UNC13B: variants seen among roughly 807,000 people sequenced by gnomAD.
UNC13B encodes the protein unc-13 homolog B.
In UNC13B, 144 loss-of-function variants were observed where a neutral mutation model predicts 211.0. The observed-to-expected ratio is 0.68, with a 90% CI of 0.60 to 0.78. The LOEUF (loss-of-function observed/expected upper bound fraction) is 0.78. UNC13B is among the 30% of genes least tolerant of loss of function. UNC13B has a pLI of 0.00. For synonymous variants in UNC13B, 709 were observed against 725.8 expected (o/e 0.98, Z 0.37); for missense variants, 1,777 against 2,002.0 (o/e 0.89, Z 2.14).
At chr9:35,397,759 T>G (rs1349401379) in intron 30 of UNC13B, 47 bp downstream of exon 30, 4 of 1,597,098 alleles carry the variant, frequency 2.5e-6, no homozygotes, top group Non-Finnish European at 3.4e-6. Context: ...TGGAAGACAT[T>G]TGAATCCTTG....
rs750512073 is a variant in UNC13B at position 35,225,886 on chromosome 9, C to T, written c.23-2129C>T. 7.2e-5 allele frequency among the ~76,000 whole-genome samples: 11 copies of T among 152,092 alleles called. No individual in the cohort carries two copies. The South Asian group carries it at 8.3e-4, about 12-fold the overall frequency. Reference sequence around the variant, plus strand: ...GTGGGTCCTTGGATCCCCGCGGTGACGTGTGAGGAGTTGACAGTGGTGGCA... The same window carrying T: ...GTGGGTCCTTGGATCCCCGCGGTGATGTGTGAGGAGTTGACAGTGGTGGCA... On this transcript the variant is annotated intron_variant, in intron 1 of 39. Transcript: ENST00000635942.
intron 7 of UNC13B, among the ~76,000 whole-genome samples, chr9:35,264,608 A>C (rs1248329370): frequency 1.3e-5 from 2 of 152,140 alleles, no homozygotes. Context: ...AATCTGTGCT[A>C]TTTTCCAGGG....
At chr9:35,288,115 A>T (rs1373972850) in intron 7 of UNC13B, among the ~76,000 whole-genome samples, 2 of 151,900 alleles carry the variant, frequency 1.3e-5, no homozygotes, top group African/African-American at 2.4e-5. Context: ...CCACTCTGCC[A>T]CTTCCCTAGT....
chr9:35,167,581 T>C (rs1317565684), intron 1 of UNC13B, among the ~76,000 whole-genome samples: 1 of 147,594 alleles, frequency 6.8e-6, no homozygotes, highest in African/African-American at 2.5e-5. Context: ...TGAACATCTT[T>C]GTAGGTTTTT....
intron 1 of UNC13B, among the ~76,000 whole-genome samples, chr9:35,173,721 G>T (rs1821457760): frequency 1.3e-5 from 2 of 152,132 alleles, no homozygotes; most frequent in African/African-American, 2.4e-5. Flanking sequence ...ACTGTGCCTG[G>T]CCAGAATCTA....
At position 35,404,069 on chromosome 9, in the gene UNC13B, AT is replaced by A; in HGVS notation, c.*39del. On this transcript the variant is annotated 3_prime_UTR_variant, in exon 40 of 40. Transcript: ENST00000635942. ...CTCCTGTGCCAATCAGGCAGCAGCA[AT>A]TTCACAAATCAGGGCCAGTGGGAGT... 5 of 1,594,040 alleles carry A rather than the reference AT, an allele frequency of 3.1e-6. No homozygotes were observed. Among genetic ancestry groups the A allele is most frequent in the Non-Finnish European group, 4.3e-6 (5 of 1,170,140 alleles).
Position 35,310,663 on chromosome 9 carries a change from A to G in UNC13B, c.9205A>G (p.Thr3069Ala). The G allele has an allele frequency of 6.2e-7, 1 of 1,613,982 alleles. No homozygotes were observed. Among genetic ancestry groups the G allele is most frequent in the Non-Finnish European group, 8.5e-7 (1 of 1,179,986 alleles). The change falls in exon 10 of 40, where the codon ACA becomes GCA. Residue 3069 changes from threonine (T) to alanine (A), a missense_variant. Thr to Ala is a moderately conservative substitution (Grantham distance 58). Coordinates refer to ENST00000635942, the MANE Select transcript of UNC13B (RefSeq NM_001371189.2). ...FGEQEKPLEV[T>A]GQAEKEAACE... is the part of the protein sequence containing the mutation. ...AGAACAAGAGAAACCCTTGGAGGTG[A>G]CAGGTCAAGCAGAGAAGGAGGCAGC...
intron 7 of UNC13B, among the ~76,000 whole-genome samples, chr9:35,283,911 G>C (rs1326263005): frequency 6.6e-6 from 1 of 152,104 alleles, no homozygotes; most frequent in Non-Finnish European, 1.5e-5. Flanking sequence ...CTGGGTCCTG[G>C]GAATGCTGTT....
chr9:35,385,925 A>C, intron 23 of UNC13B, 112 bp downstream of exon 23: 1 of 1,449,500 alleles, frequency 6.9e-7, no homozygotes, highest in Non-Finnish European at 9.3e-7. Context: ...ATCACCTCTA[A>C]GCTTACATTT....
At chr9:35,228,660 A>T (rs892721435) in intron 2 of UNC13B, among the ~76,000 whole-genome samples, 3 of 151,820 alleles carry the variant, frequency 2.0e-5, no homozygotes, top group Non-Finnish European at 4.4e-5. Context: ...CATGTGAAAC[A>T]TATCTTATGC....
chr9:35,319,174 T>G (rs1256745298), intron 11 of UNC13B, among the ~76,000 whole-genome samples: 2 of 152,004 alleles, frequency 1.3e-5, no homozygotes, highest in Non-Finnish European at 2.9e-5. Flanking sequence ...TGCAGTGGCT[T>G]ATGCCTGTAA....
At position 35,169,505 on chromosome 9, in the gene UNC13B, T is replaced by C. The variant is rs370943217; in HGVS notation, c.22+7200T>C. Among the ~76,000 whole-genome samples the C allele has an allele frequency of 2.6e-5, 4 of 152,162 alleles. No individual in the cohort carries two copies. In the East Asian group the frequency reaches 7.7e-4, roughly 29 times the overall value. ...TAGAGTTTTCAGACATAGGTATAGG[T>C]TGGTCAGATACTTCTCATCTCCTTC... On this transcript the variant is annotated intron_variant, in intron 1 of 39. Coordinates refer to ENST00000635942, the MANE Select transcript of UNC13B (RefSeq NM_001371189.2).
In UNC13B at chr9:35,377,648, G is replaced by C. The variant is rs751057461; in HGVS notation, c.10016G>C (p.Ser3339Thr). 6.2e-7 allele frequency: 1 copy of C among 1,614,198 alleles called. No individual in the cohort carries two copies. Among genetic ancestry groups the C allele is most frequent in the Non-Finnish European group, 8.5e-7 (1 of 1,180,054 alleles). The change falls in exon 16 of 40, where the codon AGT becomes ACT. Residue 3339 changes from serine (S) to threonine (T), a missense_variant. Physicochemically the swap from Ser to Thr is moderately conservative, Grantham distance 58 (BLOSUM62 1). Coordinates refer to ENST00000635942, the MANE Select transcript of UNC13B (RefSeq NM_001371189.2). ...HVQQMKTVKQ[S>T]VLDGTSKWSA... ...CAGCAGATGAAAACAGTGAAGCAGA[G>C]TGTACTGGATGGCACCTCCAAATGG...
chr9:35,246,524 T>G (rs575669254), intron 6 of UNC13B, among the ~76,000 whole-genome samples: 1,804 of 152,310 alleles, frequency 0.012, 26 homozygotes, highest in African/African-American at 0.04. Context: ...AATTAATTTT[T>G]GTATAAGGTG....
chr9:35,362,148 C>T (rs954641731), intron 11 of UNC13B: 16 of 152,110 alleles, frequency 1.1e-4, no homozygotes, highest in African/African-American at 3.4e-4. Context: ...TGTTATAGTC[C>T]AGTTAAGAGA....
intron 1 of UNC13B, among the ~76,000 whole-genome samples, chr9:35,163,760 TAGC>T (rs1564036134): frequency 2.0e-5 from 3 of 152,238 alleles, no homozygotes; most frequent in Admixed American, 6.5e-5. Context: ...TTTGTTTTAA[TAGC>T]AGGCAGGTTT....
intron 11 of UNC13B, chr9:35,353,311 G>T (rs1832836001): frequency 9.7e-6 from 12 of 1,232,110 alleles, no homozygotes; most frequent in Non-Finnish European, 1.1e-5. Flanking sequence ...GTTCTGCTCT[G>T]CAGGGTGTGT....
At chr9:35,293,669 G>T (rs1383490708) in intron 7 of UNC13B, among the ~76,000 whole-genome samples, 1 of 152,148 alleles carries the variant, frequency 6.6e-6, no homozygotes, top group Non-Finnish European at 1.5e-5. Flanking sequence ...AACAACAGAT[G>T]CATCAAGGGC....
At chr9:35,246,627 T>C (rs1715470276) in intron 6 of UNC13B, among the ~76,000 whole-genome samples, 1 of 152,222 alleles carries the variant, frequency 6.6e-6, no homozygotes, top group Non-Finnish European at 1.5e-5. Flanking sequence ...CCATTTCTTG[T>C]GTTTGTCAGG....
Sources: gnomAD v4.1 joint callset for allele counts (sites outside exome capture counted in the v4.1 genomes callset) on GRCh38, gnomAD v4.1.1 for gene constraint, MANE v1.5 for transcripts, NCBI Gene and HGNC (gene_info 2026-07-23, HGNC 2026-07-21) for gene names.